Variants in TRHDE observed in about 807,000 individuals in gnomAD.
The protein encoded by TRHDE is thyrotropin-releasing hormone-degrading ectoenzyme.
TRHDE carries 72 observed loss-of-function variants against 125.7 expected under a neutral mutation model. The ratio of observed to expected loss-of-function variants is 0.57; its 90% CI spans 0.47 to 0.70. TRHDE has a LOEUF of 0.70. Ranked by LOEUF, TRHDE falls within the 30% of genes least tolerant of loss-of-function variation. The probability of loss-of-function intolerance (pLI) is 0.00; values close to 1 mark genes in which losing one functional copy is unlikely to be tolerated. For synonymous variants in TRHDE, 509 were observed against 509.1 expected (o/e 1.00, Z 0.00); for missense variants, 1,110 against 1,327.1 (o/e 0.84, Z 2.54).
chr12:72,613,310 G>A (rs1204982395), intron 12 of TRHDE, among the ~76,000 whole-genome samples: 3 of 152,124 alleles, frequency 2.0e-5, no homozygotes, highest in African/African-American at 4.8e-5. Context: ...GATAGCAGTG[G>A]CCTTCTTATC....
intron 12 of TRHDE, among the ~76,000 whole-genome samples, chr12:72,593,145 C>T (rs1034189296): frequency 2.6e-5 from 4 of 152,154 alleles, no homozygotes; most frequent in Non-Finnish European, 5.9e-5. Flanking sequence ...TTTATGGTTT[C>T]CAAGTTCATT....
intron 3 of TRHDE, among the ~76,000 whole-genome samples, chr12:72,464,943 G>A (rs1283940904): frequency 6.6e-6 from 1 of 152,070 alleles, no homozygotes; most frequent in Non-Finnish European, 1.5e-5. Context: ...TCTGTCTATA[G>A]TTTTTTGTAC....
At chr12:72,255,149 C>T (rs1043026420) in intron 2 of TRHDE, 1 of 152,206 alleles carries the variant, frequency 6.6e-6, no homozygotes, top group Non-Finnish European at 1.5e-5. Context: ...TGATCTTCCC[C>T]TCAAATCTGT....
At chr12:72,607,198 C>CACACT (rs1872480532) in intron 12 of TRHDE, among the ~76,000 whole-genome samples, 1 of 152,074 alleles carries the variant, frequency 6.6e-6, no homozygotes, top group Non-Finnish European at 1.5e-5. Context: ...TAATTGCATC[C>CACACT]GCACTGTGCA....
rs180988821 is a variant in TRHDE, at chr12:72,161,559, T to C, written n.279+55807T>C. Among the ~76,000 whole-genome samples, 163 of 152,336 alleles carry C rather than the reference T, an allele frequency of 1.1e-3. 2 individuals are homozygous for C. Among genetic ancestry groups the C allele is most frequent in the African/African-American group, 3.6e-3 (148 of 41,572 alleles). Reference sequence around the variant, plus strand: ...GGTTTATATTATGTGTCTGGTCATATTGATTTTTGTGGTAGGTAAGATGAG... The same window carrying C: ...GGTTTATATTATGTGTCTGGTCATACTGATTTTTGTGGTAGGTAAGATGAG... On this transcript the variant is annotated intron_variant and non_coding_transcript_variant, in intron 2 of 4. Coordinates refer to the TRHDE transcript ENST00000548156.
At chr12:72,578,984 G>GTTTTTTTT (rs3081947) in intron 12 of TRHDE, among the ~76,000 whole-genome samples, 1 of 135,944 alleles carries the variant, frequency 7.4e-6, no homozygotes, top group African/African-American at 2.7e-5. Flanking sequence ...ACTGTTTAGT[G>GTTTTTTTT]TTTTTTTTTT....
At chr12:72,240,305 T>TTATATATA (rs56969276) in intron 2 of TRHDE, among the ~76,000 whole-genome samples, 3,350 of 111,206 alleles carry the variant, frequency 0.03, 44 homozygotes, top group Middle Eastern at 0.061. Flanking sequence ...TTCTCACATT[T>TTATATATA]TATATATATA....
chr12:72,526,562 A>T (rs1868342084), intron 6 of TRHDE, among the ~76,000 whole-genome samples: 3 of 152,118 alleles, frequency 2.0e-5, no homozygotes, highest in Admixed American at 1.3e-4. Context: ...TATTTTCTCA[A>T]ATACTGTAAA....
intron 6 of TRHDE, among the ~76,000 whole-genome samples, chr12:72,518,589 C>T (rs1429682359): frequency 2.6e-5 from 4 of 152,120 alleles, no homozygotes; most frequent in Admixed American, 2.6e-4. Flanking sequence ...TGGGTCTTGA[C>T]TCTTTATCCA....
At chr12:72,479,639 T>A (rs1332125462) in intron 5 of TRHDE, among the ~76,000 whole-genome samples, 2 of 68,516 alleles carry the variant, frequency 2.9e-5, no homozygotes, top group East Asian at 3.5e-4. Context: ...TTTAAAGGAT[T>A]TTTTTTTGTT....
chr12:72,525,046 G>C (rs1287152085), intron 6 of TRHDE, among the ~76,000 whole-genome samples: 4 of 152,000 alleles, frequency 2.6e-5, no homozygotes, highest in African/African-American at 9.7e-5. Flanking sequence ...TTTAACACCT[G>C]TTCTCAATGA....
chr12:72,146,048 A>G (rs1455019804), intron 2 of TRHDE, among the ~76,000 whole-genome samples: 2 of 152,200 alleles, frequency 1.3e-5, no homozygotes, highest in Non-Finnish European at 2.9e-5. Context: ...ACTACTAGAA[A>G]TGTGTCACGA....
chr12:72,419,165 G>C (rs892986807), intron 3 of TRHDE, among the ~76,000 whole-genome samples: 5 of 152,142 alleles, frequency 3.3e-5, no homozygotes, highest in African/African-American at 1.2e-4. Flanking sequence ...TGAGTAGATG[G>C]ATCTAGAGGA....
At chr12:72,476,099 C>A (rs1410533906) in intron 5 of TRHDE, among the ~76,000 whole-genome samples, 1 of 151,874 alleles carries the variant, frequency 6.6e-6, no homozygotes, top group African/African-American at 2.4e-5. Flanking sequence ...GTATTTTTTG[C>A]AGAGACAAGG....
chr12:72,160,694 CAAACAAAACAAAATG>C (rs1566256459), intron 2 of TRHDE, among the ~76,000 whole-genome samples: 2 of 151,896 alleles, frequency 1.3e-5, no homozygotes, highest in South Asian at 2.1e-4. Context: ...TCTAAACAAA[CAAACAAAACAAAATG>C]AAACAAAACA....
chr12:72,436,320 G>A (rs1364752850), intron 3 of TRHDE, among the ~76,000 whole-genome samples: 1 of 151,880 alleles, frequency 6.6e-6, no homozygotes, highest in African/African-American at 2.4e-5. Context: ...TATAGAGTAT[G>A]ACCAGACTTA....
chr12:72,562,767 TA>T, intron 8 of TRHDE, 85 bp from the exon 9 acceptor site: 1 of 879,948 alleles, frequency 1.1e-6, no homozygotes, highest in Non-Finnish European at 1.7e-6. Context: ...AGGTAAATAG[TA>T]AAAATAGAAA....
rs114086135 is a variant in TRHDE, at chr12:72,172,219, A to G, written n.279+66467A>G. Among the ~76,000 whole-genome samples the G allele has an allele frequency of 1.4e-3, 210 of 152,286 alleles. 2 individuals are homozygous for G. The highest frequency in any genetic ancestry group is 4.5e-3 in the African/African-American group (189 of 41,574). ...TTAAGTAACAAACGGGACGGAATAT[A>G]TGGTTCAACTGAAGTTGGTTAATGT... On this transcript the variant is annotated intron_variant and non_coding_transcript_variant, in intron 2 of 4. Coordinates refer to the TRHDE transcript ENST00000548156.
At chr12:72,380,885 T>TCTTTCTTC (rs1555181516) in intron 3 of TRHDE, among the ~76,000 whole-genome samples, 6 of 146,620 alleles carry the variant, frequency 4.1e-5, no homozygotes, top group Non-Finnish European at 9.0e-5. Context: ...CTTCTTTCTT[T>TCTTTCTTC]CTTCCTTCCT....
Sources: allele counts gnomAD v4.1 joint callset (sites outside exome capture counted in the v4.1 genomes callset), GRCh38; gene constraint gnomAD v4.1.1; transcripts MANE v1.5; gene names NCBI Gene and HGNC (gene_info 2026-07-23, HGNC 2026-07-21).